Variants in IMMT observed in about 807,000 individuals in gnomAD.
IMMT encodes the protein inner membrane mitochondrial protein.
A neutral mutation model predicts 92.7 loss-of-function variants in IMMT; 40 were observed. The ratio of observed to expected loss-of-function variants is 0.43; its 90% CI spans 0.34 to 0.56. IMMT has a LOEUF of 0.56. Among genes scored for constraint, IMMT ranks in the 20% least tolerant of loss-of-function variants. IMMT has a pLI of 0.03. For synonymous variants in IMMT, 322 were observed against 336.1 expected (o/e 0.96, Z 0.46); for missense variants, 831 against 912.1 (o/e 0.91, Z 1.14).
At chr2:86,157,002 T>C (rs897553140) in intron 10 of IMMT, among the ~76,000 whole-genome samples, 5 of 152,182 alleles carry the variant, frequency 3.3e-5, no homozygotes, top group Admixed American at 1.3e-4. Flanking sequence ...TCTGTTTCAA[T>C]TGTAACCTCA....
Position 86,185,647 on chromosome 2 carries a change from A to G in IMMT, c.46-4275T>C, listed in dbSNP as rs376858846. On this transcript the variant is annotated intron_variant, in intron 1 of 14. Coordinates refer to ENST00000410111, the MANE Select transcript of IMMT (RefSeq NM_006839.3). ...TGATAAGATGTGTATCATGCATCTA[A>G]TGAAGAAAATCCCATTAAGATTCAC... 2.0e-5 allele frequency among the ~76,000 whole-genome samples: 3 copies of G among 152,346 alleles called. No homozygotes were observed. In the East Asian group the frequency reaches 5.8e-4, roughly 29 times the overall value.
intron 1 of IMMT, among the ~76,000 whole-genome samples, chr2:86,188,614 C>T (rs1487501050): frequency 1.3e-5 from 2 of 152,126 alleles, no homozygotes; most frequent in African/African-American, 4.8e-5. Context: ...TTTGTAGAGA[C>T]AGAGTTTCAC....
intron 10 of IMMT, among the ~76,000 whole-genome samples, chr2:86,157,714 G>T (rs190334033): frequency 3.8e-4 from 58 of 151,456 alleles, no homozygotes; most frequent in African/African-American, 1.4e-3. Context: ...CTTGAACGTG[G>T]GAGGCGGAGG....
At chr2:86,179,401 G>A in intron 3 of IMMT, 32 bp downstream of exon 3, 1 of 1,475,714 alleles carries the variant, frequency 6.8e-7, no homozygotes, top group Non-Finnish European at 9.1e-7. Context: ...GTATTTCATT[G>A]GATAAACTGA....
At chr2:86,181,064 G>C (rs1672403663) in intron 2 of IMMT, among the ~76,000 whole-genome samples, 1 of 152,070 alleles carries the variant, frequency 6.6e-6, no homozygotes, top group African/African-American at 2.4e-5. Flanking sequence ...CATACAAGGA[G>C]GGCTATGCCT....
chr2:86,191,077 G>A (rs112228348), intron 1 of IMMT, among the ~76,000 whole-genome samples: 8,401 of 152,162 alleles, frequency 0.055, 802 homozygotes, highest in African/African-American at 0.19. Flanking sequence ...CAGGCATGGT[G>A]GCTCACTCCT....
chr2:86,149,900 A>G (rs1274238636), intron 12 of IMMT, among the ~76,000 whole-genome samples: 1 of 149,076 alleles, frequency 6.7e-6, no homozygotes, highest in Non-Finnish European at 1.5e-5. Context: ...AAAAAAAAAG[A>G]AAGAAAAAGA....
At chr2:86,171,950 G>A (rs1363864154) in intron 4 of IMMT, among the ~76,000 whole-genome samples, 2 of 133,136 alleles carry the variant, frequency 1.5e-5, no homozygotes. Context: ...TTTTTTGTGT[G>A]TGTAGTATAT....
chr2:86,161,995 C>G lies in IMMT; in HGVS notation c.877G>C (p.Asp293His), dbSNP rs748625907. The change falls in exon 8 of 15, where the codon GAT becomes CAT. Residue 293 changes from aspartate (D) to histidine (H), a missense_variant. Transcript: ENST00000410111. ...AATTACTTGGCTTTGAGAAGGGCATCGGCAGCTTCATCTACTGCCTTTCTG... is the reference window on the plus strand; with the variant it reads ...AATTACTTGGCTTTGAGAAGGGCATGGGCAGCTTCATCTACTGCCTTTCTG... ...ERRKAVDEAA[D>H]ALLKAKEELE... is the part of the protein sequence containing the mutation. 2 of 1,596,778 alleles carry G rather than the reference C, an allele frequency of 1.3e-6. No homozygotes were observed. Among genetic ancestry groups the G allele is most frequent in the Admixed American group, 3.4e-5 (2 of 58,200 alleles).
At chr2:86,193,287 G>C (rs1184986605) in intron 1 of IMMT, among the ~76,000 whole-genome samples, 2 of 151,776 alleles carry the variant, frequency 1.3e-5, no homozygotes, top group Non-Finnish European at 2.9e-5. Context: ...CATGCCTGTG[G>C]TCCCAGCTAC....
chr2:86,182,124 T>C (rs577461340), intron 1 of IMMT, among the ~76,000 whole-genome samples: 93 of 152,184 alleles, frequency 6.1e-4, no homozygotes, highest in African/African-American at 1.7e-3. Context: ...TCTCCTAAAT[T>C]AAGCAAATGA....
At chr2:86,192,982 C>T (rs1210879249) in intron 1 of IMMT, 1 of 153,878 alleles carries the variant, frequency 6.5e-6, no homozygotes, top group Non-Finnish European at 1.5e-5. Flanking sequence ...TGCGATGTCT[C>T]CAAAGAGCAT....
chr2:86,145,099 T>C (rs1461578353), intron 14 of IMMT, among the ~76,000 whole-genome samples: 1 of 152,212 alleles, frequency 6.6e-6, no homozygotes, highest in Non-Finnish European at 1.5e-5. Flanking sequence ...GCATGATATC[T>C]AATCCACATA....
intron 10 of IMMT, among the ~76,000 whole-genome samples, chr2:86,155,889 T>C (rs769322282): frequency 5.3e-5 from 8 of 152,154 alleles, no homozygotes; most frequent in Non-Finnish European, 5.9e-5. Flanking sequence ...CGGTTGTCCC[T>C]GAGGAGGAAA....
intron 7 of IMMT, among the ~76,000 whole-genome samples, chr2:86,164,832 C>T (rs1676560724): frequency 6.6e-6 from 1 of 152,034 alleles, no homozygotes; most frequent in Non-Finnish European, 1.5e-5. Flanking sequence ...TACAGAAGTC[C>T]AAGGAAAACC....
intron 3 of IMMT, among the ~76,000 whole-genome samples, chr2:86,176,648 G>GT (rs1330929278): frequency 6.6e-6 from 1 of 152,216 alleles, no homozygotes; most frequent in African/African-American, 2.4e-5. Context: ...AAGGAGCAGT[G>GT]TAAGTGTGGA....
rs754210825 is a variant in IMMT at position 86,181,342 on chromosome 2, G to C, written c.76C>G (p.Pro26Ala). The C allele has an allele frequency of 6.2e-7, 1 of 1,613,720 alleles. No homozygotes were observed. Among genetic ancestry groups the C allele is most frequent in the Non-Finnish European group, 8.5e-7 (1 of 1,179,734 alleles). ...GAGTATCTGCGGCATGGTCGCAATG[G>C]ACGGAGGACAAACTTCCCACAGAGA... ...SCLCGKFVLRPLRPCRRYSTS... is the reference protein window; with the variant it reads ...SCLCGKFVLRALRPCRRYSTS... The change falls in exon 2 of 15, where the codon CCA becomes GCA. Residue 26 changes from proline (P) to alanine (A), a missense_variant. Pro to Ala is a conservative substitution (Grantham distance 27). Coordinates refer to ENST00000410111, the MANE Select transcript of IMMT (RefSeq NM_006839.3).
chr2:86,177,533 A>T (rs957596752), intron 3 of IMMT, among the ~76,000 whole-genome samples: 3 of 152,112 alleles, frequency 2.0e-5, no homozygotes, highest in Non-Finnish European at 4.4e-5. Flanking sequence ...CCCAGGAGGC[A>T]GAAGTTGCAG....
chr2:86,162,338 G>GTTTTTTTTTTTTTTTTTTT (rs1346343442), intron 7 of IMMT, among the ~76,000 whole-genome samples: 7 of 113,722 alleles, frequency 6.2e-5, no homozygotes, highest in African/African-American at 2.4e-4. Context: ...TCTAAGGAGA[G>GTTTTTTTTTTTTTTTTTTT]TTGTTTTTTT....
Sources: allele counts gnomAD v4.1 joint callset (sites outside exome capture counted in the v4.1 genomes callset), GRCh38; gene constraint gnomAD v4.1.1; transcripts MANE v1.5; gene names NCBI Gene and HGNC (gene_info 2026-07-23, HGNC 2026-07-21).